Variants in EPHA5 observed in about 807,000 individuals in gnomAD.
EPHA5 encodes the protein EPH receptor A5, also known as ephrin type-A receptor 5.
A neutral mutation model predicts 105.0 loss-of-function variants in EPHA5; 60 were observed. The ratio of observed to expected loss-of-function variants is 0.57; its 90% CI spans 0.46 to 0.71. EPHA5 has a LOEUF of 0.71. EPHA5 is among the 30% of genes least tolerant of loss of function. The pLI is 0.00. For synonymous variants in EPHA5, 513 were observed against 449.1 expected (o/e 1.14, Z -1.80); for missense variants, 1,218 against 1,274.7 (o/e 0.96, Z 0.68).
chr4:65,350,286 T>C (rs188858552), intron 13 of EPHA5, among the ~76,000 whole-genome samples: 4 of 152,164 alleles, frequency 2.6e-5, no homozygotes, highest in African/African-American at 4.8e-5. Context: ...AGCTGACCAC[T>C]GGAAGTCTTT....
Position 65,571,334 on chromosome 4 carries a change from AC to A in EPHA5, c.910+30306del, listed in dbSNP as rs1183519579. ...CTTGTTTACAAGTAAAAAAAAAAAAACAGATCAAAAATTTACATTCCCTAAA... is the reference window on the plus strand; with the variant it reads ...CTTGTTTACAAGTAAAAAAAAAAAAAAGATCAAAAATTTACATTCCCTAAA... On this transcript the variant is annotated intron_variant, in intron 3 of 16. Transcript: ENST00000613740. 9.0e-4 allele frequency among the ~76,000 whole-genome samples: 135 copies of A among 149,710 alleles called. No individual in the cohort carries two copies. In the Middle Eastern group the frequency reaches 0.014, roughly 15 times the overall value.
chr4:65,336,272 T>C (rs1478647303), intron 14 of EPHA5, 147 bp from the exon 15 acceptor site: 5 of 471,334 alleles, frequency 1.1e-5, no homozygotes, highest in Non-Finnish European at 1.4e-5. Context: ...AATCCACGGC[T>C]ATTTCCATTT....
At chr4:65,544,827 A>G (rs528486285) in intron 3 of EPHA5, among the ~76,000 whole-genome samples, 2 of 152,100 alleles carry the variant, frequency 1.3e-5, no homozygotes, top group Non-Finnish European at 2.9e-5. Context: ...ACCAACCCAA[A>G]TGCCCATCAT....
At chr4:65,640,317 G>A (rs1279875849) in intron 2 of EPHA5, among the ~76,000 whole-genome samples, 1 of 117,134 alleles carries the variant, frequency 8.5e-6, no homozygotes, top group Non-Finnish European at 1.6e-5. Context: ...ACGGAGTCTC[G>A]CTCTGTCGCC....
intron 5 of EPHA5, among the ~76,000 whole-genome samples, chr4:65,472,329 G>C (rs1729367106): frequency 6.6e-6 from 1 of 152,086 alleles, no homozygotes; most frequent in Admixed American, 6.6e-5. Flanking sequence ...CCAGATACAG[G>C]GTGCAAATTG....
At chr4:65,510,822 C>T (rs1272028108) in intron 3 of EPHA5, among the ~76,000 whole-genome samples, 1 of 152,168 alleles carries the variant, frequency 6.6e-6, no homozygotes, top group Non-Finnish European at 1.5e-5. Flanking sequence ...ACATGCTAGA[C>T]TTGTATATGA....
chr4:65,385,174 C>A (rs994051522), intron 8 of EPHA5, among the ~76,000 whole-genome samples: 8 of 151,598 alleles, frequency 5.3e-5, no homozygotes, highest in African/African-American at 2.4e-5. Context: ...TTTAAATACT[C>A]ATTTAATGAA....
In EPHA5 at chr4:65,669,609, A is replaced by T. The variant is rs2149571007; in HGVS notation, c.134T>A (p.Leu45His). 1 of 1,435,076 alleles carries T rather than the reference A, an allele frequency of 7.0e-7. No homozygotes were observed. Among genetic ancestry groups the T allele is most frequent in the Non-Finnish European group, 9.2e-7 (1 of 1,088,212 alleles). 88.9% of individuals were successfully genotyped at this position (1,435,076 alleles called of 1,614,324 possible). ...PRRAPLWTCL[L>H]LCAALRTLLA... Reference sequence around the variant, plus strand: ...GAGGGTCCGGAGTGCGGCGCACAGGAGAAGGCACGTCCAGAGGGGAGCCCG... The same window carrying T: ...GAGGGTCCGGAGTGCGGCGCACAGGTGAAGGCACGTCCAGAGGGGAGCCCG... Residue 45 changes from leucine to histidine, a missense_variant, in exon 1 of 17, where the codon CTC becomes CAC. Physicochemically the swap from Leu to His is moderately conservative, Grantham distance 99 (BLOSUM62 -3). Around this residue, in one of 3 missense-constraint regions of EPHA5, gnomAD observed 233 missense variants for 227.5 expected, o/e 1.02. Transcript: ENST00000613740.
chr4:65,512,490 T>G (rs1445790413), intron 3 of EPHA5, among the ~76,000 whole-genome samples: 1 of 152,044 alleles, frequency 6.6e-6, no homozygotes, highest in African/African-American at 2.4e-5. Flanking sequence ...CGCCATACTT[T>G]TGGTGCTGTT....
chr4:65,640,619 A>G (rs1747580329), intron 2 of EPHA5, among the ~76,000 whole-genome samples: 1 of 152,136 alleles, frequency 6.6e-6, no homozygotes, highest in African/African-American at 2.4e-5. Flanking sequence ...CATACCAGGT[A>G]TTGCTTAGAC....
Position 65,517,085 on chromosome 4 carries a change from G to A in EPHA5, c.911-21542C>T, listed in dbSNP as rs926358657. Among the ~76,000 whole-genome samples the A allele has an allele frequency of 3.3e-5, 5 of 151,794 alleles. No individual in the cohort carries two copies. The East Asian group carries it at 9.6e-4, about 29-fold the overall frequency. On this transcript the variant is annotated intron_variant, in intron 3 of 16. Coordinates refer to ENST00000613740, the MANE Select transcript of EPHA5 (RefSeq NM_001281766.3). ...TGTGTTAAATTTTTCCTATTATATT[G>A]TAAATTTATCTATTTCTTCATTAAT...
At chr4:65,642,791 TAA>T (rs1442756233) in intron 2 of EPHA5, among the ~76,000 whole-genome samples, 1 of 152,026 alleles carries the variant, frequency 6.6e-6, no homozygotes, top group African/African-American at 2.4e-5. Context: ...TCTAAAAATA[TAA>T]GTGTGCACAA....
At position 65,495,317 on chromosome 4, in the gene EPHA5, C is replaced by T. The variant is rs1019145393; in HGVS notation, c.1066+71G>A. 8 of 1,463,158 alleles carry T rather than the reference C, an allele frequency of 5.5e-6. No individual in the cohort carries two copies. The Admixed American group carries it at 9.7e-5, about 18-fold the overall frequency. 90.6% of individuals were successfully genotyped at this position (1,463,158 alleles called of 1,614,324 possible). ...AGGGGGAAATGTTACTAGACTATAA[C>T]AGGCTCCATCATGCTGTTTCCTCAA... On this transcript the variant is annotated intron_variant, in intron 4 of 16. Coordinates refer to ENST00000613740, the MANE Select transcript of EPHA5 (RefSeq NM_001281766.3).
At chr4:65,566,792 C>T (rs1009635841) in intron 3 of EPHA5, among the ~76,000 whole-genome samples, 1 of 151,734 alleles carries the variant, frequency 6.6e-6, no homozygotes, top group Non-Finnish European at 1.5e-5. Context: ...TTTTCTCCCC[C>T]AAACTGTAAC....
chr4:65,578,467 G>A (rs1741285307), intron 3 of EPHA5, among the ~76,000 whole-genome samples: 1 of 152,058 alleles, frequency 6.6e-6, no homozygotes, highest in Admixed American at 6.6e-5. Flanking sequence ...TCACCAGAGG[G>A]GCACACACAC....
intron 7 of EPHA5, among the ~76,000 whole-genome samples, chr4:65,412,305 C>T (rs981655499): frequency 1.3e-5 from 2 of 152,116 alleles, no homozygotes; most frequent in Non-Finnish European, 2.9e-5. Flanking sequence ...GAATTAAACA[C>T]AGTATATTCC....
intron 6 of EPHA5, among the ~76,000 whole-genome samples, chr4:65,415,698 T>G (rs1331997851): frequency 6.6e-6 from 1 of 151,998 alleles, no homozygotes; most frequent in Non-Finnish European, 1.5e-5. Flanking sequence ...TTTAGGAAAT[T>G]TTATTAAATT....
At chr4:65,360,510 CT>C (rs1341504218) in intron 11 of EPHA5, among the ~76,000 whole-genome samples, 3 of 151,558 alleles carry the variant, frequency 2.0e-5, no homozygotes, top group African/African-American at 7.3e-5. Flanking sequence ...AGGTATTTAA[CT>C]TTTTTAATGT....
At chr4:65,394,854 A>G (rs556802178) in intron 8 of EPHA5, among the ~76,000 whole-genome samples, 3 of 152,254 alleles carry the variant, frequency 2.0e-5, no homozygotes, top group African/African-American at 7.2e-5. Context: ...TATACTTATC[A>G]TTATTATTAC....
Sources: allele counts gnomAD v4.1 joint callset (sites outside exome capture counted in the v4.1 genomes callset), GRCh38; gene constraint gnomAD v4.1.1; regional missense constraint gnomAD v4.1.1; transcripts MANE v1.5; gene names NCBI Gene and HGNC (gene_info 2026-07-23, HGNC 2026-07-21).